Variants in INTS4 observed in about 807,000 individuals in gnomAD.
INTS4 encodes integrator complex subunit 4.
Under a neutral mutation model 119.5 loss-of-function variants are expected in INTS4, and 70 were observed. That is an observed-to-expected ratio of 0.59 (90% confidence interval 0.48 to 0.71). The LOEUF (loss-of-function observed/expected upper bound fraction) is 0.71. Among genes scored for constraint, INTS4 ranks in the 30% least tolerant of loss-of-function variants. INTS4 has a pLI of 0.00. For synonymous variants in INTS4, 316 were observed against 419.6 expected, an observed-to-expected ratio of 0.75 and a Z score of 3.02; for missense variants, 867 against 1,173.2, an observed-to-expected ratio of 0.74 and a Z score of 3.81.
intron 14 of INTS4, among the ~76,000 whole-genome samples, chr11:77,920,858 T>C (rs1953342995): frequency 6.6e-6 from 1 of 150,858 alleles, no homozygotes; most frequent in South Asian, 2.1e-4. Context: ...TCTCAAAAAG[T>C]AATAATAATA....
chr11:77,930,556 C>A (rs1306675930), intron 10 of INTS4, among the ~76,000 whole-genome samples: 1 of 152,174 alleles, frequency 6.6e-6, no homozygotes, highest in Non-Finnish European at 1.5e-5. Context: ...AACTTCTGAT[C>A]AGAAAGAGAT....
rs1954402051 is a variant in INTS4, at chr11:77,959,130, T to C, written c.709-296A>G. 4.6e-5 allele frequency among the ~76,000 whole-genome samples: 7 copies of C among 152,268 alleles called. No homozygotes were observed. The South Asian group carries it at 1.5e-3, about 32-fold the overall frequency. On this transcript the variant is annotated intron_variant, in intron 6 of 22. Coordinates refer to ENST00000534064, the MANE Select transcript of INTS4 (RefSeq NM_033547.4). Reference sequence around the variant, plus strand: ...GCATGCTGGGAGCAAACAGTACTGTTCTCACAGGTTCAAACACCAATTATG... The same window carrying C: ...GCATGCTGGGAGCAAACAGTACTGTCCTCACAGGTTCAAACACCAATTATG...
chr11:77,949,368 G>A (rs1034683324), intron 8 of INTS4, among the ~76,000 whole-genome samples: 1 of 152,082 alleles, frequency 6.6e-6, no homozygotes, highest in African/African-American at 2.4e-5. Flanking sequence ...ATTGAGAAAT[G>A]GGATCTAATT....
In INTS4 at chr11:77,964,289, C is replaced by T. The variant is rs188563362; in HGVS notation, c.472-3151G>A. On this transcript the variant is annotated intron_variant, in intron 4 of 22. Coordinates refer to ENST00000534064, the MANE Select transcript of INTS4 (RefSeq NM_033547.4). ...CATCCTGTATTTAAAAATTATTGGCCGGGTGCAGTGGCTCACACCTGTAAT... is the reference window on the plus strand; with the variant it reads ...CATCCTGTATTTAAAAATTATTGGCTGGGTGCAGTGGCTCACACCTGTAAT... Among the ~76,000 whole-genome samples the T allele has an allele frequency of 1.5e-3, 232 of 152,118 alleles. 1 individual carries two copies. The highest frequency in any genetic ancestry group is 2.2e-3 in the Non-Finnish European group (151 of 67,998).
At chr11:77,945,809 G>A (rs1236227494) in intron 8 of INTS4, among the ~76,000 whole-genome samples, 1 of 152,084 alleles carries the variant, frequency 6.6e-6, no homozygotes, top group Non-Finnish European at 1.5e-5. Context: ...CCCTAAAACT[G>A]GCCACGATAG....
intron 4 of INTS4, among the ~76,000 whole-genome samples, chr11:77,975,910 C>T (rs1255892443): frequency 1.3e-5 from 2 of 151,196 alleles, no homozygotes; most frequent in African/African-American, 2.4e-5. Context: ...GAGCCGAGAT[C>T]ACGTCACTGC....
chr11:77,937,631 C>T (rs2136518714), intron 10 of INTS4, among the ~76,000 whole-genome samples: 1 of 152,188 alleles, frequency 6.6e-6, no homozygotes. Context: ...CTGGTCCCAG[C>T]TACTCGAGAG....
At chr11:77,982,440 A>C (rs890575935) in intron 2 of INTS4, among the ~76,000 whole-genome samples, 3 of 152,088 alleles carry the variant, frequency 2.0e-5, no homozygotes, top group Non-Finnish European at 4.4e-5. Flanking sequence ...GCTCAGCCCT[A>C]CCTGCTTTTT....
intron 16 of INTS4, among the ~76,000 whole-genome samples, chr11:77,906,417 T>G (rs765054562): frequency 2.0e-5 from 3 of 152,190 alleles, no homozygotes; most frequent in Non-Finnish European, 2.9e-5. Flanking sequence ...TATGTGTTCT[T>G]TTTAGGAGTA....
At chr11:77,911,522 C>G (rs188347808) in intron 15 of INTS4, among the ~76,000 whole-genome samples, 1 of 152,334 alleles carries the variant, frequency 6.6e-6, no homozygotes, top group East Asian at 1.9e-4. Context: ...TTACTTTATT[C>G]CCCTGCCCCG....
chr11:77,990,541 C>T (rs1028014097), intron 2 of INTS4, among the ~76,000 whole-genome samples: 1 of 151,944 alleles, frequency 6.6e-6, no homozygotes, highest in African/African-American at 2.4e-5. Context: ...CAAAAATTAG[C>T]AGGGTGTGGT....
intron 8 of INTS4, among the ~76,000 whole-genome samples, chr11:77,948,824 G>C (rs1954116206): frequency 6.7e-6 from 1 of 149,316 alleles, no homozygotes. Flanking sequence ...TGGTTGAATA[G>C]ATTAAAACAC....
At chr11:77,989,214 G>A (rs4945230) in intron 2 of INTS4, among the ~76,000 whole-genome samples, 20,665 of 152,102 alleles carry the variant, frequency 0.14, 1,595 homozygotes, top group East Asian at 0.25. Flanking sequence ...AAGGCTGGGC[G>A]CGGTGGCTCA....
Position 77,923,438 on chromosome 11 carries a change from A to G in INTS4, c.1515-967T>C, listed in dbSNP as rs1381922259. Among the ~76,000 whole-genome samples, 9 of 151,804 alleles carry G rather than the reference A, an allele frequency of 5.9e-5. No homozygotes were observed. In the East Asian group the frequency reaches 1.5e-3, roughly 26 times the overall value. On this transcript the variant is annotated intron_variant, in intron 12 of 22. Coordinates refer to ENST00000534064, the MANE Select transcript of INTS4 (RefSeq NM_033547.4). The stretch of plus-strand genomic sequence containing the variant: ...CCACTTGTTATGAAAAAACAGACTT[A>G]TTGGCTAAGATATTTTTAATCAGAT...
chr11:77,921,297 C>A, intron 14 of INTS4, 43 bp downstream of exon 14: 4 of 1,601,186 alleles, frequency 2.5e-6, no homozygotes, highest in Non-Finnish European at 3.4e-6. Flanking sequence ...TAACCCTACC[C>A]CATGCAAAAT....
At chr11:77,960,602 G>A (rs950242047) in intron 5 of INTS4, among the ~76,000 whole-genome samples, 2 of 151,806 alleles carry the variant, frequency 1.3e-5, no homozygotes, top group African/African-American at 4.8e-5. Context: ...GTCCCAAGAA[G>A]GTATTAGAAA....
intron 8 of INTS4, among the ~76,000 whole-genome samples, chr11:77,945,542 C>A (rs1226267507): frequency 1.3e-5 from 2 of 152,166 alleles, no homozygotes; most frequent in Non-Finnish European, 2.9e-5. Flanking sequence ...TGACGATGAT[C>A]TCAGCATCAG....
chr11:77,951,516 G>A (rs1476434782), intron 8 of INTS4, among the ~76,000 whole-genome samples: 2 of 152,254 alleles, frequency 1.3e-5, no homozygotes, highest in African/African-American at 4.8e-5. Context: ...ATTAATTCAA[G>A]ATGGATTAAA....
At chr11:77,924,666 A>G (rs1164397919) in intron 12 of INTS4, 84 bp downstream of exon 12, 4 of 1,330,368 alleles carry the variant, frequency 3.0e-6, no homozygotes, top group Non-Finnish European at 4.2e-6. Flanking sequence ...ACTATCCTCA[A>G]TCTATAAGGA....
Sources: allele counts gnomAD v4.1 joint callset (sites outside exome capture counted in the v4.1 genomes callset), GRCh38; gene constraint gnomAD v4.1.1; transcripts MANE v1.5; gene names NCBI Gene and HGNC (gene_info 2026-07-23, HGNC 2026-07-21).